Variants in HIVEP3 observed in about 807,000 individuals in gnomAD.
The protein encoded by HIVEP3 is HIVEP zinc finger 3.
Under a neutral mutation model 152.8 loss-of-function variants are expected in HIVEP3, and 49 were observed. That is an observed-to-expected ratio of 0.32 (90% confidence interval 0.26 to 0.41). The LOEUF (loss-of-function observed/expected upper bound fraction) is 0.41. Among genes scored for constraint, HIVEP3 ranks in the 10% least tolerant of loss-of-function variants. The pLI, the probability that HIVEP3 is intolerant of heterozygous loss-of-function variation, is 1.00. For missense variants in HIVEP3, 2,790 were observed against 3,103.3 expected (o/e 0.90, Z 2.40); for synonymous variants, 1,269 against 1,289.0 (o/e 0.98, Z 0.33).
chr1:41,695,372 A>G lies in HIVEP3; in HGVS notation c.-721+5544T>C, dbSNP rs560599844. Among the ~76,000 whole-genome samples the G allele has an allele frequency of 2.6e-5, 4 of 152,344 alleles. No homozygotes were observed. The South Asian group carries it at 8.3e-4, about 32-fold the overall frequency. Reference sequence around the variant, plus strand: ...CTTATCAGGCTGGCAGTAGCTGGGCAGGCCTCAGCTTATTTCTAAGTCTGG... The same window carrying G: ...CTTATCAGGCTGGCAGTAGCTGGGCGGGCCTCAGCTTATTTCTAAGTCTGG... On this transcript the variant is annotated intron_variant, in intron 2 of 8. Coordinates refer to ENST00000372583, the MANE Select transcript of HIVEP3 (RefSeq NM_024503.5).
chr1:41,864,473 C>T (rs1251769965), intron 1 of HIVEP3: 1 of 152,344 alleles, frequency 6.6e-6, no homozygotes, highest in Non-Finnish European at 1.5e-5. Flanking sequence ...TAGAGATGCT[C>T]CTACTTACTC....
At chr1:41,743,403 G>C (rs1379051676) in intron 1 of HIVEP3, among the ~76,000 whole-genome samples, 1 of 152,214 alleles carries the variant, frequency 6.6e-6, no homozygotes, top group Admixed American at 6.5e-5. Context: ...ACTTAGGACA[G>C]AGCCTGACAT....
At chr1:41,823,688 G>A (rs1445235387) in intron 1 of HIVEP3, among the ~76,000 whole-genome samples, 1 of 152,204 alleles carries the variant, frequency 6.6e-6, no homozygotes, top group African/African-American at 2.4e-5. Context: ...GAGGAATTCT[G>A]CCTGGGCTGC....
In HIVEP3 at chr1:41,581,591, G is replaced by A. The variant is rs538096073; in HGVS notation, c.3207C>T (p.Ser1069=). Reference sequence around the variant, plus strand: ...TACTGGATGAGGGCTGTGGTTCTTCGCTCTCCTGTCTTCCCTTGGGGGCAA... The same window carrying A: ...TACTGGATGAGGGCTGTGGTTCTTCACTCTCCTGTCTTCCCTTGGGGGCAA... ...LEVAPKGRQE[S]EEPQPSSSKP... The change falls in exon 4 of 9, where the codon AGC becomes AGT. Residue 1069 remains serine (S), a synonymous_variant. Transcript: ENST00000372583. This position sits in a 1 kb window ranked among gnomAD's most constrained non-coding sequence, Gnocchi z 4.5. The A allele has an allele frequency of 4.6e-5, 74 of 1,613,622 alleles. No homozygotes were observed. Among genetic ancestry groups the A allele is most frequent in the East Asian group, 2.7e-4 (12 of 44,884 alleles).
intron 1 of HIVEP3, among the ~76,000 whole-genome samples, chr1:42,007,415 A>G (rs1446844256): frequency 6.6e-6 from 1 of 152,176 alleles, no homozygotes; most frequent in African/African-American, 2.4e-5. Context: ...ACAACAATTG[A>G]ATGGGGGAAC....
intron 1 of HIVEP3, among the ~76,000 whole-genome samples, chr1:41,720,959 A>G (rs1646665051): frequency 6.6e-6 from 1 of 152,248 alleles, no homozygotes; most frequent in Non-Finnish European, 1.5e-5. Context: ...CAGATACTGC[A>G]TAATTCCACT....
intron 1 of HIVEP3, among the ~76,000 whole-genome samples, chr1:41,948,888 C>T (rs527590582): frequency 5.3e-5 from 8 of 152,232 alleles, no homozygotes; most frequent in Non-Finnish European, 1.0e-4. Flanking sequence ...ACCCCCTGCA[C>T]TTCAGGCCAT....
intron 1 of HIVEP3, among the ~76,000 whole-genome samples, chr1:42,033,301 T>C (rs528609242): frequency 1.4e-4 from 22 of 152,208 alleles, no homozygotes; most frequent in African/African-American, 5.3e-4. Context: ...CCCACCTCTA[T>C]AGGATGACTT....
chr1:41,655,920 G>A (rs562552541), intron 2 of HIVEP3, among the ~76,000 whole-genome samples: 1 of 152,104 alleles, frequency 6.6e-6, no homozygotes, highest in Non-Finnish European at 1.5e-5. Flanking sequence ...TTCCACCCTG[G>A]TAACTTGAAA....
Position 41,580,679 on chromosome 1 carries a change from C to A in HIVEP3, c.4119G>T (p.Val1373=), listed in dbSNP as rs1644389705. ...CAGAAGGGCCGGGCCCAACCTCATG[C>A]ACATCTGCACCACATACAGTCGTCC... is the stretch of plus-strand genomic sequence containing the variant. The part of the protein sequence containing the change: ...SKGTTVCGAD[V]HEVGPGPSGL... Residue 1373 remains valine (V), a synonymous_variant, in exon 4 of 9, where the codon GTG becomes GTT. Coordinates refer to ENST00000372583, the MANE Select transcript of HIVEP3 (RefSeq NM_024503.5). 2 of 1,611,782 alleles carry A rather than the reference C, an allele frequency of 1.2e-6. No homozygotes were observed. The highest frequency in any genetic ancestry group is 2.2e-5 in the South Asian group (2 of 90,688).
intron 1 of HIVEP3, among the ~76,000 whole-genome samples, chr1:42,031,393 T>G (rs997162731): frequency 6.6e-6 from 1 of 152,222 alleles, no homozygotes; most frequent in Non-Finnish European, 1.5e-5. Context: ...TTTCTTCTTC[T>G]TCCCTTTAAA....
At chr1:41,796,866 G>A (rs1650013113) in intron 1 of HIVEP3, among the ~76,000 whole-genome samples, 1 of 152,184 alleles carries the variant, frequency 6.6e-6, no homozygotes, top group African/African-American at 2.4e-5. Flanking sequence ...GGATGAACTT[G>A]AACCCATGCA....
chr1:41,598,205 C>T (rs554877567), intron 3 of HIVEP3, among the ~76,000 whole-genome samples: 34 of 152,274 alleles, frequency 2.2e-4, no homozygotes, highest in East Asian at 1.2e-3. Context: ...TCATCAACAC[C>T]GCCTAAGAGA....
chr1:41,802,067 G>A (rs984143102), intron 1 of HIVEP3, among the ~76,000 whole-genome samples: 1 of 152,196 alleles, frequency 6.6e-6, no homozygotes, highest in Admixed American at 6.5e-5. Context: ...CTAGCCACAA[G>A]TTCAAACTCT....
chr1:41,560,651 G>A (rs1463920066), intron 5 of HIVEP3, among the ~76,000 whole-genome samples: 2 of 152,200 alleles, frequency 1.3e-5, no homozygotes, highest in African/African-American at 4.8e-5. Context: ...CCCGTGGACT[G>A]CAAGGAACTG....
At chr1:41,634,012 G>A (rs1270350135) in intron 2 of HIVEP3, among the ~76,000 whole-genome samples, 4 of 151,938 alleles carry the variant, frequency 2.6e-5, no homozygotes, top group African/African-American at 7.3e-5. Context: ...GCAGACCTCC[G>A]AGCTTGGAGG....
chr1:41,924,564 C>CA, intron 1 of HIVEP3, among the ~76,000 whole-genome samples: 1 of 152,042 alleles, frequency 6.6e-6, no homozygotes, highest in East Asian at 1.9e-4. Context: ...CACTTAGTAG[C>CA]AAAATGTCCT....
At chr1:41,731,505 GTAAC>G (rs1259295241) in intron 1 of HIVEP3, among the ~76,000 whole-genome samples, 1 of 152,222 alleles carries the variant, frequency 6.6e-6, no homozygotes, top group East Asian at 1.9e-4. Flanking sequence ...ACTGACCTAT[GTAAC>G]TAACAGGATG....
At chr1:41,722,429 C>CTTCCTTCCTTCA (rs879928057) in intron 1 of HIVEP3, among the ~76,000 whole-genome samples, 8,370 of 147,280 alleles carry the variant, frequency 0.057, 703 homozygotes, top group East Asian at 0.18. Context: ...TCCTTCCTTC[C>CTTCCTTCCTTCA]TTCCTTCCTT....
Sources: allele counts gnomAD v4.1 joint callset (sites outside exome capture counted in the v4.1 genomes callset), GRCh38; gene constraint gnomAD v4.1.1; non-coding constraint Gnocchi (gnomAD v3.1); transcripts MANE v1.5; gene names NCBI Gene and HGNC (gene_info 2026-07-23, HGNC 2026-07-21).